Variants in DAB1 observed in about 807,000 individuals in gnomAD.
DAB1 encodes disabled homolog 1.
In DAB1, 15 loss-of-function variants were observed where a neutral mutation model predicts 64.6. The observed-to-expected ratio is 0.23, with a 90% confidence interval of 0.16 to 0.36. The LOEUF (loss-of-function observed/expected upper bound fraction) is 0.36. DAB1 is among the 10% of genes least tolerant of loss of function. The pLI, the probability that DAB1 is intolerant of heterozygous loss-of-function variation, is 1.00. For synonymous variants in DAB1, 235 were observed against 251.9 expected, an observed-to-expected ratio of 0.93 and a Z score of 0.64; for missense variants, 596 against 706.7, an observed-to-expected ratio of 0.84 and a Z score of 1.78.
chr1:58,478,141 C>A (rs993468921), intron 3 of DAB1, among the ~76,000 whole-genome samples: 4 of 152,120 alleles, frequency 2.6e-5, no homozygotes, highest in African/African-American at 4.8e-5. Context: ...TTCCTCCATG[C>A]TGTTCTCCTG....
At chr1:58,348,816 A>G (rs1644025114) in intron 3 of DAB1, among the ~76,000 whole-genome samples, 1 of 152,190 alleles carries the variant, frequency 6.6e-6, no homozygotes, top group Admixed American at 6.5e-5. Context: ...CATGCCACTC[A>G]TGAAAGGTTT....
chr1:58,414,348 G>A (rs1419246191), intron 3 of DAB1, among the ~76,000 whole-genome samples: 1 of 152,180 alleles, frequency 6.6e-6, no homozygotes, highest in East Asian at 1.9e-4. Flanking sequence ...CAAAACTGAT[G>A]TTAGTTACCA....
chr1:58,267,877 C>G (rs1043964218), intron 4 of DAB1, among the ~76,000 whole-genome samples: 3 of 152,162 alleles, frequency 2.0e-5, no homozygotes, highest in Non-Finnish European at 2.9e-5. Context: ...GTCCCCTTCT[C>G]TATGTTTATA....
chr1:58,135,876 C>T (rs1256650642), intron 5 of DAB1, among the ~76,000 whole-genome samples: 1 of 152,076 alleles, frequency 6.6e-6, no homozygotes, highest in Non-Finnish European at 1.5e-5. Context: ...GACTTGTAGT[C>T]AGGAATCCTG....
intron 4 of DAB1, among the ~76,000 whole-genome samples, chr1:58,182,162 T>C (rs1036765099): frequency 6.6e-6 from 1 of 152,106 alleles, no homozygotes; most frequent in Admixed American, 6.5e-5. Flanking sequence ...CTTATTTTCA[T>C]TCCTCTGTAT....
At chr1:57,806,936 T>C (rs1412721535) in intron 6 of DAB1, among the ~76,000 whole-genome samples, 1 of 152,230 alleles carries the variant, frequency 6.6e-6, no homozygotes, top group Non-Finnish European at 1.5e-5. Flanking sequence ...GGATTTTGTT[T>C]GTTTTGTCTG....
At chr1:57,710,333 C>A (rs74603630) in intron 6 of DAB1, among the ~76,000 whole-genome samples, 1 of 152,084 alleles carries the variant, frequency 6.6e-6, no homozygotes. Flanking sequence ...TTTCATACTA[C>A]GGAATAGTAT....
At chr1:57,592,795 G>T (rs1156415618) in intron 7 of DAB1, among the ~76,000 whole-genome samples, 1 of 152,210 alleles carries the variant, frequency 6.6e-6, no homozygotes, top group African/African-American at 2.4e-5. Flanking sequence ...CAGTGTTAGT[G>T]TCTGGTGAGG....
chr1:57,238,488 G>T (rs1232340915), intron 2 of DAB1, among the ~76,000 whole-genome samples: 1 of 152,170 alleles, frequency 6.6e-6, no homozygotes, highest in Non-Finnish European at 1.5e-5. Context: ...TCGCTCTCTT[G>T]CTCACTTCTA....
intron 7 of DAB1, among the ~76,000 whole-genome samples, chr1:57,438,597 G>A (rs532750601): frequency 6.6e-6 from 1 of 152,282 alleles, no homozygotes; most frequent in African/African-American, 2.4e-5. Flanking sequence ...GGAGGAGGAG[G>A]AGGAAGAGGA....
chr1:58,360,711 A>T (rs1644156725), intron 3 of DAB1, among the ~76,000 whole-genome samples: 1 of 152,124 alleles, frequency 6.6e-6, no homozygotes, highest in South Asian at 2.1e-4. Flanking sequence ...AGAAAGTCAA[A>T]TACTGCGCTA....
At chr1:58,179,465 G>A (rs1656662558) in intron 4 of DAB1, among the ~76,000 whole-genome samples, 1 of 151,970 alleles carries the variant, frequency 6.6e-6, no homozygotes, top group Non-Finnish European at 1.5e-5. Context: ...CATCTAGGCT[G>A]GGGCTTTTCT....
intron 2 of DAB1, among the ~76,000 whole-genome samples, chr1:57,172,995 G>A (rs2100932034): frequency 6.6e-6 from 1 of 152,218 alleles, no homozygotes; most frequent in Non-Finnish European, 1.5e-5. Context: ...AAATGCTTGG[G>A]TGCCTAGTCT....
At chr1:57,537,737 A>T (rs1524715) in intron 7 of DAB1, among the ~76,000 whole-genome samples, 97,822 of 152,040 alleles carry the variant, frequency 0.64, 33,904 homozygotes, top group Non-Finnish European at 0.77. Flanking sequence ...CTTCTTCCTA[A>T]CAATAGTGGT....
At position 58,141,363 on chromosome 1, in the gene DAB1, G is replaced by A. The variant is rs572098409; in HGVS notation, n.387+9148C>T. Reference sequence around the variant, plus strand: ...GCCCTTTATAAAACCATCAGATCTCGTGAGACTTATTCACTATCACGAGAA... The same window carrying A: ...GCCCTTTATAAAACCATCAGATCTCATGAGACTTATTCACTATCACGAGAA... On this transcript the variant is annotated intron_variant and non_coding_transcript_variant, in intron 5 of 20. Transcript: ENST00000485760. 5.5e-4 allele frequency among the ~76,000 whole-genome samples: 83 copies of A among 152,174 alleles called. 1 individual carries two copies. Among genetic ancestry groups the A allele is most frequent in the African/African-American group, 1.8e-3 (74 of 41,512 alleles).
intron 5 of DAB1, among the ~76,000 whole-genome samples, chr1:57,909,958 C>A (rs1204047569): frequency 1.3e-5 from 2 of 152,210 alleles, no homozygotes; most frequent in Non-Finnish European, 1.5e-5. Context: ...ATAGAAGATG[C>A]AGCTTGATCC....
At chr1:57,349,012 T>A (rs1186471538) in intron 1 of DAB1, among the ~76,000 whole-genome samples, 1 of 152,120 alleles carries the variant, frequency 6.6e-6, no homozygotes, top group Non-Finnish European at 1.5e-5. Flanking sequence ...CCTTCCCAAC[T>A]GGCAATGGAA....
At chr1:58,492,844 G>A (rs1272627261) in intron 3 of DAB1, among the ~76,000 whole-genome samples, 2 of 152,182 alleles carry the variant, frequency 1.3e-5, no homozygotes, top group African/African-American at 2.4e-5. Flanking sequence ...GGTACAAGAA[G>A]GAGCTGGTAC....
At chr1:58,513,177 A>C (rs1320601793) in intron 2 of DAB1, among the ~76,000 whole-genome samples, 7 of 152,070 alleles carry the variant, frequency 4.6e-5, no homozygotes, top group Admixed American at 4.6e-4. Context: ...CGTGATACTG[A>C]GTGAGTTCTC....
Sources: allele counts gnomAD v4.1 joint callset (sites outside exome capture counted in the v4.1 genomes callset), GRCh38; gene constraint gnomAD v4.1.1; transcripts MANE v1.5; gene names NCBI Gene and HGNC (gene_info 2026-07-23, HGNC 2026-07-21).